Variants in ATP8B1 observed in about 807,000 individuals in gnomAD.
ATP8B1 encodes the protein phospholipid-transporting ATPase IC.
Under a neutral mutation model 149.9 loss-of-function variants are expected in ATP8B1, and 80 were observed. The ratio of observed to expected loss-of-function variants is 0.53; its 90% CI spans 0.45 to 0.64. ATP8B1 has a LOEUF of 0.64. ATP8B1 is among the 30% of genes least tolerant of loss of function. ATP8B1 has a pLI of 0.00. For missense variants in ATP8B1, 1,247 were observed against 1,552.6 expected, an observed-to-expected ratio of 0.80 and a Z score of 3.31; for synonymous variants, 536 against 562.8, an observed-to-expected ratio of 0.95 and a Z score of 0.67.
intron 1 of ATP8B1, among the ~76,000 whole-genome samples, chr18:57,778,781 T>G (rs186798849): frequency 1.3e-5 from 2 of 152,198 alleles, no homozygotes; most frequent in Admixed American, 1.3e-4. Context: ...AGTGAGAGCA[T>G]GAGAGAGCAT....
intron 1 of ATP8B1, among the ~76,000 whole-genome samples, chr18:57,774,397 A>G (rs550808539): frequency 6.6e-6 from 1 of 152,340 alleles, no homozygotes; most frequent in South Asian, 2.1e-4. Context: ...CAGGAGTCTG[A>G]GACCAGCCTG....
chr18:57,802,587 C>G lies in ATP8B1; in HGVS notation c.-26+411G>C, dbSNP rs1414789556. On this transcript the variant is annotated intron_variant, in intron 1 of 27. Transcript: ENST00000648908. This position sits in a 1 kb window ranked among gnomAD's most constrained non-coding sequence, Gnocchi z 4.9. Reference sequence around the variant, plus strand: ...AAAGAGCGCCCCAGCAGGACCCGGTCACCGGGGTCTTCCAGAGGGGCGGTA... The same window carrying G: ...AAAGAGCGCCCCAGCAGGACCCGGTGACCGGGGTCTTCCAGAGGGGCGGTA... Among the ~76,000 whole-genome samples, 2 of 152,244 alleles carry G rather than the reference C, an allele frequency of 1.3e-5. No homozygotes were observed. Among genetic ancestry groups the G allele is most frequent in the African/African-American group, 2.4e-5 (1 of 41,472 alleles).
intron 21 of ATP8B1, 95 bp from the exon 22 acceptor site, chr18:57,661,557 G>T: frequency 1.5e-6 from 2 of 1,354,224 alleles, no homozygotes; most frequent in Non-Finnish European, 1.0e-6. Flanking sequence ...ATAATTTTTG[G>T]ATTATGTCAC....
At position 57,648,594 on chromosome 18, in the gene ATP8B1, T is replaced by A; in HGVS notation, c.3650A>T (p.Tyr1217Phe). 6.2e-7 allele frequency: 1 copy of A among 1,611,240 alleles called. No homozygotes were observed. The highest frequency in any genetic ancestry group is 8.5e-7 in the Non-Finnish European group (1 of 1,179,802). ...GCGCCCGGAGGAGATGAGGTCCGCG[T>A]AGCCCCGCTGGTGCGAGAAGGCGTA... The part of the protein sequence containing the change: ...SAYAFSHQRG[Y>F]ADLISSGRSI... The change falls in exon 28 of 28, where the codon TAC becomes TTC. Residue 1217 changes from tyrosine to phenylalanine, a missense_variant. Coordinates refer to ENST00000648908, the MANE Select transcript of ATP8B1 (RefSeq NM_001374385.1).
At chr18:57,680,298 AAAAAG>A (rs1911873039) in intron 15 of ATP8B1, among the ~76,000 whole-genome samples, 2 of 144,136 alleles carry the variant, frequency 1.4e-5, no homozygotes, top group South Asian at 2.2e-4. Context: ...AAAAAAAAAA[AAAAAG>A]ACTGGGTGTG....
Position 57,674,983 on chromosome 18 carries a change from G to T in ATP8B1, c.1670C>A (p.Ala557Asp). Residue 557 changes from alanine (A) to aspartate (D), a missense_variant, in exon 16 of 28, where the codon GCC becomes GAC. Transcript: ENST00000648908. ...NYQAASPDEG[A>D]LVNAARNFGF... The stretch of plus-strand genomic sequence containing the variant: ...AAAGTTCCTGGCAGCGTTTACCAGG[G>T]CACCTTCATCGGGAGAGGCTGCCTG... 6.2e-7 allele frequency: 1 copy of T among 1,614,222 alleles called. No individual in the cohort carries two copies. Among genetic ancestry groups the T allele is most frequent in the Non-Finnish European group, 8.5e-7 (1 of 1,180,032 alleles).
At chr18:57,684,257 G>GA in intron 14 of ATP8B1, 65 bp from the exon 15 acceptor site, 2 of 1,516,166 alleles carry the variant, frequency 1.3e-6, no homozygotes, top group Non-Finnish European at 1.8e-6. Context: ...CAAATGACAT[G>GA]AACTTTTCTT....
At chr18:57,730,330 C>T (rs1285520872) in intron 2 of ATP8B1, among the ~76,000 whole-genome samples, 4 of 152,128 alleles carry the variant, frequency 2.6e-5, no homozygotes, top group Admixed American at 2.0e-4. Flanking sequence ...AGCTAAAATC[C>T]GAGGCTTCTC....
chr18:57,666,522 A>G (rs1375896061), intron 20 of ATP8B1, among the ~76,000 whole-genome samples: 1 of 119,352 alleles, frequency 8.4e-6, no homozygotes, highest in Non-Finnish European at 1.7e-5. Context: ...AATTTTTAGT[A>G]GGTGAACCGA....
At chr18:57,670,388 A>G (rs1186407947) in intron 17 of ATP8B1, among the ~76,000 whole-genome samples, 1 of 133,438 alleles carries the variant, frequency 7.5e-6, no homozygotes, top group South Asian at 2.3e-4. Flanking sequence ...GTCTCACTCT[A>G]TCGCCCAGGC....
At chr18:57,653,896 G>T in intron 24 of ATP8B1, 96 bp downstream of exon 24, 2 of 1,125,720 alleles carry the variant, frequency 1.8e-6, no homozygotes, top group Non-Finnish European at 2.7e-6. Context: ...TCAGAAAGAA[G>T]TAAACACCAG....
chr18:57,654,846 C>T (rs1398512321), intron 23 of ATP8B1, among the ~76,000 whole-genome samples: 7 of 151,898 alleles, frequency 4.6e-5, no homozygotes, highest in Non-Finnish European at 1.0e-4. Context: ...GCCACCACAC[C>T]CGGAAAATTT....
intron 20 of ATP8B1, among the ~76,000 whole-genome samples, chr18:57,663,960 T>C (rs1004329069): frequency 6.6e-6 from 1 of 151,050 alleles, no homozygotes; most frequent in Non-Finnish European, 1.5e-5. Flanking sequence ...AGAGACAGGG[T>C]TTCACCATGT....
intron 1 of ATP8B1, among the ~76,000 whole-genome samples, chr18:57,767,869 A>C (rs1345547351): frequency 6.6e-6 from 1 of 151,936 alleles, no homozygotes; most frequent in Non-Finnish European, 1.5e-5. Context: ...AAGTATAAGC[A>C]GGATTAGATC....
rs1222147907 is a variant in ATP8B1 at position 57,713,240 on chromosome 18, CTTCTTTCT to C, written c.182-6661_182-6654del. On this transcript the variant is annotated intron_variant, in intron 2 of 27. Transcript: ENST00000648908. Reference sequence around the variant, plus strand: ...CCTTCCTTCCTTCCTTCCTTCCTTCCTTCTTTCTTTCTTTCTTTCTTTCTCTTTCTTTC... The same window carrying C: ...CCTTCCTTCCTTCCTTCCTTCCTTCCTTCTTTCTTTCTTTCTCTTTCTTTC... Among the ~76,000 whole-genome samples the C allele has an allele frequency of 4.6e-4, 30 of 65,152 alleles. 1 individual carries two copies. The highest frequency in any genetic ancestry group is 1.4e-3 in the African/African-American group (27 of 18,624). 42.7% of individuals were successfully genotyped at this position (65,152 alleles called of 152,430 possible). A position where few individuals can be genotyped will look rare whatever the true frequency, so the allele number is the denominator to read the frequency against.
intron 2 of ATP8B1, among the ~76,000 whole-genome samples, chr18:57,709,746 C>T (rs1374698168): frequency 6.6e-6 from 1 of 151,270 alleles, no homozygotes; most frequent in Non-Finnish European, 1.5e-5. Flanking sequence ...GTGGTGCGAT[C>T]TCAGCTCACT....
chr18:57,705,337 C>A (rs908514403), intron 3 of ATP8B1, among the ~76,000 whole-genome samples: 11 of 152,144 alleles, frequency 7.2e-5, no homozygotes, highest in Non-Finnish European at 1.3e-4. Flanking sequence ...ACAGAGCCTA[C>A]TATGTAAGAA....
intron 3 of ATP8B1, among the ~76,000 whole-genome samples, chr18:57,705,414 A>AT (rs1258761171): frequency 1.3e-5 from 2 of 152,230 alleles, no homozygotes; most frequent in Non-Finnish European, 2.9e-5. Flanking sequence ...CTTAACACTA[A>AT]TATCTATGAA....
chr18:57,756,242 T>TAC (rs541129488), intron 1 of ATP8B1, among the ~76,000 whole-genome samples: 1,389 of 112,810 alleles, frequency 0.012, 109 homozygotes, highest in Non-Finnish European at 0.019. Context: ...CACACATATA[T>TAC]ACACACACAC....
Sources: allele counts gnomAD v4.1 joint callset (sites outside exome capture counted in the v4.1 genomes callset), GRCh38; gene constraint gnomAD v4.1.1; non-coding constraint Gnocchi (gnomAD v3.1); transcripts MANE v1.5; gene names NCBI Gene and HGNC (gene_info 2026-07-23, HGNC 2026-07-21).